IL1R1: variants seen among roughly 807,000 people sequenced by gnomAD.
The protein encoded by IL1R1 is interleukin 1 receptor type 1.
IL1R1 carries 22 observed loss-of-function variants against 50.2 expected under a neutral mutation model. That is an observed-to-expected ratio of 0.44 (90% CI 0.31 to 0.63). The LOEUF (loss-of-function observed/expected upper bound fraction) is 0.63. IL1R1 is among the 20% of genes least tolerant of loss of function. The pLI, the probability that IL1R1 is intolerant of heterozygous loss-of-function variation, is 0.07. For missense variants in IL1R1, 509 were observed against 676.2 expected (o/e 0.75, Z 2.74); for synonymous variants, 251 against 236.7 (o/e 1.06, Z -0.55).
At chr2:102,144,577 A>G (rs1054165807) in intron 1 of IL1R1, among the ~76,000 whole-genome samples, 1 of 152,180 alleles carries the variant, frequency 6.6e-6, no homozygotes, top group Non-Finnish European at 1.5e-5. Flanking sequence ...TTGACTATCT[A>G]CTATGTGCCA....
At chr2:102,103,977 C>G (rs1029266679), upstream of IL1R1, among the ~76,000 whole-genome samples, 5 of 110,230 alleles carry the variant, frequency 4.5e-5, no homozygotes, top group Non-Finnish European at 8.5e-5. Context: ...GGAGACAGAG[C>G]AAGACTGTCT....
chr2:102,110,013 AT>A (rs200414383), intron 1 of IL1R1, among the ~76,000 whole-genome samples: 257 of 152,258 alleles, frequency 1.7e-3, no homozygotes, highest in African/African-American at 5.6e-3. Context: ...AACTCTTTAA[AT>A]TTTTTTGAGT....
intron 1 of IL1R1, among the ~76,000 whole-genome samples, chr2:102,093,575 A>G (rs1195162121): frequency 1.3e-5 from 2 of 152,140 alleles, no homozygotes; most frequent in Non-Finnish European, 2.9e-5. Context: ...ATTAATTTGC[A>G]TTTCCCCAAG....
intron 1 of IL1R1, among the ~76,000 whole-genome samples, chr2:102,118,909 T>C (rs1252960090): frequency 6.7e-6 from 1 of 149,728 alleles, no homozygotes; most frequent in Non-Finnish European, 1.5e-5. Flanking sequence ...TCCCAGCTAC[T>C]CGGGAGGCTG....
intron 1 of IL1R1, among the ~76,000 whole-genome samples, chr2:102,086,146 T>C (rs1679420140): frequency 1.3e-5 from 2 of 152,218 alleles, no homozygotes; most frequent in Admixed American, 6.5e-5. Flanking sequence ...TTGTGAATAT[T>C]CCAGAAAAAC....
chr2:102,170,632 T>C (rs1321496516), intron 7 of IL1R1, among the ~76,000 whole-genome samples: 1 of 152,142 alleles, frequency 6.6e-6, no homozygotes, highest in Non-Finnish European at 1.5e-5. Flanking sequence ...ACAAATGCCA[T>C]TTGCACCAGT....
chr2:102,076,114 T>C (rs1678945380), intron 1 of IL1R1, among the ~76,000 whole-genome samples: 1 of 152,160 alleles, frequency 6.6e-6, no homozygotes, highest in Admixed American at 6.5e-5. Flanking sequence ...TGTTTTGAAA[T>C]GTTTTAATTA....
At position 102,179,687 on chromosome 2, in the gene IL1R1, T is replaced by C. The variant is rs199905780; in HGVS notation, c.*2928T>C. On this transcript the variant is annotated 3_prime_UTR_variant, in exon 12 of 12. Transcript: ENST00000410023. The stretch of plus-strand genomic sequence containing the variant: ...CAATAAAAGGTATTGAGCCATTTTT[T>C]AAATGACATTTTTGATAAATTATGT... The C allele has an allele frequency of 9.8e-5, 15 of 152,834 alleles. No homozygotes were observed. Among genetic ancestry groups the C allele is most frequent in the Non-Finnish European group, 1.9e-4 (13 of 68,050 alleles). 9.5% of individuals were successfully genotyped at this position (152,834 alleles called of 1,614,324 possible).
chr2:102,077,080 A>AT (rs1362438271), intron 1 of IL1R1, among the ~76,000 whole-genome samples: 9 of 150,238 alleles, frequency 6.0e-5, no homozygotes, highest in East Asian at 2.0e-4. Flanking sequence ...TTTTTATTTT[A>AT]TTTTTTTTGA....
intron 1 of IL1R1, among the ~76,000 whole-genome samples, chr2:102,089,894 T>C (rs1353719998): frequency 1.3e-5 from 2 of 149,786 alleles, no homozygotes; most frequent in Admixed American, 6.7e-5. Context: ...AGTGCAGTGG[T>C]ACGATCTCGG....
intron 1 of IL1R1, among the ~76,000 whole-genome samples, chr2:102,097,463 C>CTTTGTAATAAGT (rs1679954412): frequency 1.3e-5 from 2 of 152,100 alleles, no homozygotes; most frequent in Admixed American, 1.3e-4. Context: ...ATTGCTAAAG[C>CTTTGTAATAAGT]TTTGTAATAA....
chr2:102,176,335 G>A lies in IL1R1; in HGVS notation c.1304-18G>A, dbSNP rs201702622. 10 of 1,608,406 alleles carry A rather than the reference G, an allele frequency of 6.2e-6. No homozygotes were observed. The highest frequency in any genetic ancestry group is 8.5e-6 in the Non-Finnish European group (10 of 1,177,174). ...TAAATAGAATTTTACTTACTATATT[G>A]TGCTTCCTGTTTTTCAGACATTGTT... On this transcript the variant is annotated intron_variant, in intron 11 of 11. Coordinates refer to ENST00000410023, the MANE Select transcript of IL1R1 (RefSeq NM_000877.4).
At chr2:102,105,167 T>A (rs1680333207) in intron 1 of IL1R1, among the ~76,000 whole-genome samples, 2 of 152,312 alleles carry the variant, frequency 1.3e-5, no homozygotes, top group South Asian at 4.1e-4. Flanking sequence ...TGTATATTAC[T>A]TATAAACCAT....
At chr2:102,153,264 C>G (rs1056918754) in intron 1 of IL1R1, among the ~76,000 whole-genome samples, 1 of 152,156 alleles carries the variant, frequency 6.6e-6, no homozygotes, top group Admixed American at 6.5e-5. Context: ...AGATGATGCA[C>G]TGAGCCATGG....
chr2:102,108,207 A>AGT (rs147039622), intron 1 of IL1R1, among the ~76,000 whole-genome samples: 22,686 of 148,830 alleles, frequency 0.15, 1,853 homozygotes, highest in East Asian at 0.38. Flanking sequence ...AAACTTGGGA[A>AGT]GTGTGTGTGT....
intron 1 of IL1R1, among the ~76,000 whole-genome samples, chr2:102,113,720 G>A (rs1285702284): frequency 6.6e-6 from 1 of 152,152 alleles, no homozygotes; most frequent in Non-Finnish European, 1.5e-5. Flanking sequence ...TCCTTGCCCT[G>A]GAGCCTGGGT....
rs1196641679 is a variant in IL1R1 at position 102,164,875 on chromosome 2, A to G, written c.163A>G (p.Ile55Val). 2 of 1,614,082 alleles carry G rather than the reference A, an allele frequency of 1.2e-6. No individual in the cohort carries two copies. The highest frequency in any genetic ancestry group is 2.2e-5 in the East Asian group (1 of 44,868). Reference sequence around the variant, plus strand: ...TAACCCAAATGAACACAAAGGCACTATAACTTGGTATAAAGATGACAGCAA... The same window carrying G: ...TAACCCAAATGAACACAAAGGCACTGTAACTTGGTATAAAGATGACAGCAA... ...PLNPNEHKGT[I>V]TWYKDDSKTP... The change falls in exon 4 of 12, where the codon ATA (isoleucine) becomes GTA (valine). Residue 55 changes from isoleucine to valine, a missense_variant. Coordinates refer to ENST00000410023, the MANE Select transcript of IL1R1 (RefSeq NM_000877.4).
At chr2:102,145,928 C>T (rs565585113) in intron 1 of IL1R1, among the ~76,000 whole-genome samples, 1 of 152,198 alleles carries the variant, frequency 6.6e-6, no homozygotes, top group African/African-American at 2.4e-5. Flanking sequence ...AAAGAGGAAA[C>T]CCTGCAGGGC....
intron 9 of IL1R1, among the ~76,000 whole-genome samples, chr2:102,174,209 T>C (rs1685917647): frequency 6.6e-6 from 1 of 152,204 alleles, no homozygotes; most frequent in African/African-American, 2.4e-5. Context: ...CTCCACCTTA[T>C]TCGCTTTCCA....
Sources: gnomAD v4.1 joint callset for allele counts (sites outside exome capture counted in the v4.1 genomes callset) on GRCh38, gnomAD v4.1.1 for gene constraint, MANE v1.5 for transcripts, NCBI Gene and HGNC (gene_info 2026-07-23, HGNC 2026-07-21) for gene names.